Variants in SLC16A7 observed in about 807,000 individuals in gnomAD.
The protein encoded by SLC16A7 is solute carrier family 16 member 7.
SLC16A7 carries 33 observed loss-of-function variants against 34.9 expected under a neutral mutation model. The observed-to-expected ratio is 0.94, with a 90% confidence interval of 0.72 to 1.26. SLC16A7 has a LOEUF of 1.26. Among genes scored for constraint, SLC16A7 ranks in the 50% most tolerant of loss-of-function variants. The probability of loss-of-function intolerance (pLI) is 0.00; values close to 1 mark genes in which losing one functional copy is unlikely to be tolerated. For synonymous variants in SLC16A7, 201 were observed against 206.6 expected (o/e 0.97, Z 0.23); for missense variants, 573 against 578.1 (o/e 0.99, Z 0.09).
chr12:59,779,839 T>G lies in SLC16A7; in HGVS notation c.*160T>G. 1 of 583,226 alleles carries G rather than the reference T, an allele frequency of 1.7e-6. No individual in the cohort carries two copies. The highest frequency in any genetic ancestry group is 2.9e-6 in the Non-Finnish European group (1 of 340,000). 36.1% of individuals were successfully genotyped at this position (583,226 alleles called of 1,614,324 possible). On this transcript the variant is annotated 3_prime_UTR_variant, in exon 6 of 6. Transcript: ENST00000547379. ...TCAATGGCAAATTTTAAATTAGTTTTTAAAAACTTACTTATTTGGGTAGTT... is the reference window on the plus strand; with the variant it reads ...TCAATGGCAAATTTTAAATTAGTTTGTAAAAACTTACTTATTTGGGTAGTT...
chr12:59,712,472 C>A (rs954860786), intron 3 of SLC16A7, among the ~76,000 whole-genome samples: 4 of 152,084 alleles, frequency 2.6e-5, no homozygotes, highest in African/African-American at 9.7e-5. Context: ...TAGGGAATTC[C>A]CAACATCACC....
intron 1 of SLC16A7, among the ~76,000 whole-genome samples, chr12:59,610,796 A>C (rs566658510): frequency 5.3e-5 from 8 of 152,380 alleles, no homozygotes; most frequent in African/African-American, 1.7e-4. Context: ...TCTGAAATAC[A>C]TAATTGAGAT....
chr12:59,731,598 T>C (rs1430094421), intron 3 of SLC16A7, among the ~76,000 whole-genome samples: 2 of 152,172 alleles, frequency 1.3e-5, no homozygotes, highest in African/African-American at 4.8e-5. Flanking sequence ...CAAATTCCAG[T>C]CTTCGTTATT....
chr12:59,669,774 C>T (rs1869521269), intron 2 of SLC16A7, among the ~76,000 whole-genome samples: 1 of 152,088 alleles, frequency 6.6e-6, no homozygotes, highest in Non-Finnish European at 1.5e-5. Flanking sequence ...CTTAAAGTCT[C>T]AGCAGCACAG....
rs550091063 is a variant in SLC16A7 at position 59,782,306 on chromosome 12, C to G, written c.*2627C>G. 61 of 152,206 alleles carry G rather than the reference C, an allele frequency of 4.0e-4. 1 individual carries two copies. Among genetic ancestry groups the G allele is most frequent in the Middle Eastern group, 6.8e-3 (2 of 294 alleles). The allele number at this position is 152,206 out of a possible 1,614,324, so 9.4% of individuals were successfully genotyped here. On this transcript the variant is annotated 3_prime_UTR_variant, in exon 6 of 6. Coordinates refer to ENST00000547379, the MANE Select transcript of SLC16A7 (RefSeq NM_001270623.2). Reference sequence around the variant, plus strand: ...TAAATTATTCTACTTGTTCACTCTCCCCACCCTCTTGAACTTGTTAGAAGA... The same window carrying G: ...TAAATTATTCTACTTGTTCACTCTCGCCACCCTCTTGAACTTGTTAGAAGA...
chr12:59,778,365 T>C (rs1345222290), intron 5 of SLC16A7, among the ~76,000 whole-genome samples: 1 of 152,130 alleles, frequency 6.6e-6, no homozygotes, highest in East Asian at 1.9e-4. Context: ...AAATAGGTAA[T>C]ATATTACAAG....
chr12:59,764,636 T>A (rs1033915171), intron 3 of SLC16A7, among the ~76,000 whole-genome samples: 4 of 152,158 alleles, frequency 2.6e-5, no homozygotes, highest in Non-Finnish European at 5.9e-5. Context: ...TCCAGCTTCA[T>A]CCATGTCCCT....
intron 2 of SLC16A7, among the ~76,000 whole-genome samples, chr12:59,674,723 T>C (rs1013691193): frequency 2.0e-5 from 3 of 152,128 alleles, no homozygotes; most frequent in African/African-American, 7.2e-5. Context: ...AGATCTATGT[T>C]CCAATAAAAA....
At chr12:59,735,536 C>T (rs1485581503) in intron 3 of SLC16A7, among the ~76,000 whole-genome samples, 3 of 152,046 alleles carry the variant, frequency 2.0e-5, no homozygotes, top group Non-Finnish European at 4.4e-5. Context: ...GGTTTTATTT[C>T]TTGATGTCAG....
chr12:59,645,879 A>C (rs1868247679), intron 1 of SLC16A7, among the ~76,000 whole-genome samples: 1 of 152,124 alleles, frequency 6.6e-6, no homozygotes, highest in South Asian at 2.1e-4. Context: ...TCTCAGATGG[A>C]GATGAGGAAC....
At chr12:59,752,537 A>G (rs537232117) in intron 3 of SLC16A7, among the ~76,000 whole-genome samples, 121 of 152,188 alleles carry the variant, frequency 8.0e-4, no homozygotes, top group African/African-American at 2.9e-3. Flanking sequence ...AAATGAAGCA[A>G]GAAGGGAAGT....
At chr12:59,599,193 A>G (rs1878568757) in intron 1 of SLC16A7, among the ~76,000 whole-genome samples, 1 of 152,182 alleles carries the variant, frequency 6.6e-6, no homozygotes, top group Non-Finnish European at 1.5e-5. Flanking sequence ...GAAAGAAGGA[A>G]AGAGGGAGGG....
In SLC16A7 at chr12:59,602,936, G is replaced by A. The variant is rs1382917433; in HGVS notation, c.-130+6700G>A. 5.9e-5 allele frequency among the ~76,000 whole-genome samples: 9 copies of A among 152,224 alleles called. 1 individual carries two copies. The South Asian group carries it at 1.7e-3, about 28-fold the overall frequency. On this transcript the variant is annotated intron_variant, in intron 1 of 5. Coordinates refer to ENST00000547379, the MANE Select transcript of SLC16A7 (RefSeq NM_001270623.2). ...CATTTCCAGACATTTCTAGATGTTT[G>A]CAGGACAGCTTCTCTTTACTGTGCT...
At chr12:59,606,323 A>G (rs1021070858) in intron 1 of SLC16A7, among the ~76,000 whole-genome samples, 21 of 152,198 alleles carry the variant, frequency 1.4e-4, no homozygotes, top group African/African-American at 5.1e-4. Flanking sequence ...AATACAACCT[A>G]AGGGAATTTT....
rs1291996629 is a variant in SLC16A7, at chr12:59,789,548, A to G, written c.*9869A>G. On this transcript the variant is annotated 3_prime_UTR_variant, in exon 6 of 6. Coordinates refer to ENST00000547379, the MANE Select transcript of SLC16A7 (RefSeq NM_001270623.2). Reference sequence around the variant, plus strand: ...TTATTTTTCAACATTGACCTTGATCATAAGTGCTTCTATCTGCTGAGCTTT... The same window carrying G: ...TTATTTTTCAACATTGACCTTGATCGTAAGTGCTTCTATCTGCTGAGCTTT... The G allele has an allele frequency of 3.9e-5, 6 of 152,176 alleles. No individual in the cohort carries two copies. Among genetic ancestry groups the G allele is most frequent in the African/African-American group, 7.2e-5 (3 of 41,464 alleles). 9.4% of individuals were successfully genotyped at this position (152,176 alleles called of 1,614,324 possible).
intron 1 of SLC16A7, among the ~76,000 whole-genome samples, chr12:59,608,624 G>A (rs1879051153): frequency 6.6e-6 from 1 of 152,110 alleles, no homozygotes; most frequent in Non-Finnish European, 1.5e-5. Context: ...GGTACAGGAG[G>A]ATTTATAGAC....
chr12:59,778,267 G>A (rs1441382620), intron 5 of SLC16A7, among the ~76,000 whole-genome samples: 4 of 152,090 alleles, frequency 2.6e-5, no homozygotes, highest in Admixed American at 1.3e-4. Flanking sequence ...TTAAAATTAT[G>A]CCATTTTTGT....
chr12:59,621,616 A>T (rs926132104), intron 1 of SLC16A7, among the ~76,000 whole-genome samples: 2 of 151,914 alleles, frequency 1.3e-5, no homozygotes, highest in African/African-American at 4.8e-5. Context: ...CAAAACACTT[A>T]GATTATGTGG....
chr12:59,669,777 C>A (rs1439987598), intron 2 of SLC16A7, among the ~76,000 whole-genome samples: 2 of 152,028 alleles, frequency 1.3e-5, no homozygotes, highest in Admixed American at 6.6e-5. Flanking sequence ...AAAGTCTCAG[C>A]AGCACAGTTA....
Sources: gnomAD v4.1 joint callset for allele counts (sites outside exome capture counted in the v4.1 genomes callset) on GRCh38, gnomAD v4.1.1 for gene constraint, MANE v1.5 for transcripts, NCBI Gene and HGNC (gene_info 2026-07-23, HGNC 2026-07-21) for gene names.